Variants in FHOD3 observed in about 807,000 individuals in gnomAD.
FHOD3 encodes formin homology 2 domain containing 3.
Under a neutral mutation model 173.0 loss-of-function variants are expected in FHOD3, and 90 were observed. That is an observed-to-expected ratio of 0.52 (90% CI 0.44 to 0.62). The LOEUF is 0.62. Among genes scored for constraint, FHOD3 ranks in the 20% least tolerant of loss-of-function variants. The probability of loss-of-function intolerance (pLI) is 0.00; values close to 1 mark genes in which losing one functional copy is unlikely to be tolerated. For synonymous variants in FHOD3, 828 were observed against 823.0 expected (o/e 1.01, Z -0.10); for missense variants, 1,945 against 2,034.7 (o/e 0.96, Z 0.85).
chr18:36,485,018 G>C (rs1310083722), intron 3 of FHOD3, among the ~76,000 whole-genome samples: 2 of 152,180 alleles, frequency 1.3e-5, no homozygotes, highest in Non-Finnish European at 2.9e-5. Context: ...GTGATCACGT[G>C]CTTCTATCTG....
At chr18:36,573,889 G>A (rs999545380) in intron 5 of FHOD3, among the ~76,000 whole-genome samples, 2 of 152,016 alleles carry the variant, frequency 1.3e-5, no homozygotes, top group African/African-American at 4.8e-5. Flanking sequence ...CTTAGAATAG[G>A]TTTCCCAAAT....
At chr18:36,446,998 T>C (rs897679255) in intron 3 of FHOD3, among the ~76,000 whole-genome samples, 1 of 152,124 alleles carries the variant, frequency 6.6e-6, no homozygotes, top group Non-Finnish European at 1.5e-5. Context: ...AGCCCTTGGA[T>C]TTTTGCCTAG....
At chr18:36,658,521 A>G (rs2036571462) in intron 14 of FHOD3, among the ~76,000 whole-genome samples, 1 of 152,228 alleles carries the variant, frequency 6.6e-6, no homozygotes, top group African/African-American at 2.4e-5. Context: ...GCAATTTGTT[A>G]TATACACATC....
At chr18:36,418,908 T>C (rs897486117) in intron 3 of FHOD3, among the ~76,000 whole-genome samples, 7 of 152,092 alleles carry the variant, frequency 4.6e-5, no homozygotes, top group Non-Finnish European at 7.3e-5. Flanking sequence ...AGTGAGACCC[T>C]GTCTAAAAAT....
At chr18:36,516,302 T>C (rs902049495) in intron 5 of FHOD3, among the ~76,000 whole-genome samples, 1 of 152,112 alleles carries the variant, frequency 6.6e-6, no homozygotes. Context: ...TATTCACAGT[T>C]CCCTGAGGAG....
At chr18:36,600,651 A>C (rs773771047) in intron 7 of FHOD3, among the ~76,000 whole-genome samples, 2 of 152,220 alleles carry the variant, frequency 1.3e-5, no homozygotes, top group Non-Finnish European at 2.9e-5. Flanking sequence ...GAGTGTTCTT[A>C]TTATAAAGGA....
chr18:36,700,461 A>G (rs2149569473), intron 17 of FHOD3, among the ~76,000 whole-genome samples: 1 of 152,316 alleles, frequency 6.6e-6, no homozygotes, highest in East Asian at 1.9e-4. Flanking sequence ...TGGAACATTC[A>G]TATAATTTTT....
chr18:36,438,649 C>T (rs1431780011), intron 3 of FHOD3, among the ~76,000 whole-genome samples: 2 of 152,186 alleles, frequency 1.3e-5, no homozygotes, highest in Non-Finnish European at 2.9e-5. Flanking sequence ...CATCTCCCTT[C>T]CCCACATATT....
intron 1 of FHOD3, among the ~76,000 whole-genome samples, chr18:36,305,342 AT>A (rs1477740840): frequency 6.6e-6 from 1 of 152,254 alleles, no homozygotes; most frequent in Non-Finnish European, 1.5e-5. Context: ...AAATCTTAAA[AT>A]TTTTGATCAA....
chr18:36,509,595 A>G (rs2055518532), intron 4 of FHOD3, among the ~76,000 whole-genome samples: 2 of 152,170 alleles, frequency 1.3e-5, no homozygotes. Context: ...TATGAATTAA[A>G]TGATGTGATG....
At chr18:36,375,703 A>C (rs1554010) in intron 3 of FHOD3, among the ~76,000 whole-genome samples, 32,497 of 152,090 alleles carry the variant, frequency 0.21, 4,032 homozygotes, top group East Asian at 0.66. Flanking sequence ...CTCACGAAAA[A>C]TGAAGGCCAC....
At chr18:36,760,564 T>G in intron 26 of FHOD3, 44 bp from the exon 27 acceptor site, 1 of 1,481,446 alleles carries the variant, frequency 6.8e-7, no homozygotes, top group Non-Finnish European at 9.0e-7. Context: ...AGTTGTCTTT[T>G]TGGGGAGTCT....
chr18:36,393,759 G>T (rs1173821208), intron 3 of FHOD3, among the ~76,000 whole-genome samples: 1 of 152,172 alleles, frequency 6.6e-6, no homozygotes, highest in Non-Finnish European at 1.5e-5. Context: ...TGGGTGTTGT[G>T]ATTGGGGCCA....
intron 17 of FHOD3, among the ~76,000 whole-genome samples, chr18:36,696,747 T>C (rs2039306209): frequency 1.3e-5 from 2 of 152,182 alleles, no homozygotes; most frequent in South Asian, 4.1e-4. Flanking sequence ...GTGATGATGG[T>C]CTAAGTACTT....
At chr18:36,512,919 GA>G (rs951908843) in intron 5 of FHOD3, among the ~76,000 whole-genome samples, 1 of 152,040 alleles carries the variant, frequency 6.6e-6, no homozygotes. Flanking sequence ...TTATTTCTTG[GA>G]AAAAAACATT....
chr18:36,495,663 T>C (rs561529212), intron 3 of FHOD3, among the ~76,000 whole-genome samples: 1 of 152,268 alleles, frequency 6.6e-6, no homozygotes, highest in East Asian at 1.9e-4. Flanking sequence ...GTCTATACAG[T>C]ATATTGCATG....
At chr18:36,640,962 C>T (rs1388856810) in intron 10 of FHOD3, among the ~76,000 whole-genome samples, 1 of 152,222 alleles carries the variant, frequency 6.6e-6, no homozygotes, top group African/African-American at 2.4e-5. Flanking sequence ...AGAGTTCTTA[C>T]TGGCAACCTG....
intron 22 of FHOD3, 51 bp downstream of exon 22, chr18:36,742,907 C>T (rs2041971740): frequency 2.5e-6 from 4 of 1,580,734 alleles, no homozygotes; most frequent in Non-Finnish European, 3.4e-6. Context: ...CACAAAATCC[C>T]TGCCCAGCAA....
At chr18:36,632,445 T>C (rs1417007434) in intron 10 of FHOD3, among the ~76,000 whole-genome samples, 2 of 152,250 alleles carry the variant, frequency 1.3e-5, no homozygotes, top group African/African-American at 2.4e-5. Context: ...ATTTTTAATA[T>C]GAAAACCTTC....
Sources: allele counts gnomAD v4.1 joint callset (sites outside exome capture counted in the v4.1 genomes callset), GRCh38; gene constraint gnomAD v4.1.1; transcripts MANE v1.5; gene names NCBI Gene and HGNC (gene_info 2026-07-23, HGNC 2026-07-21).